The following SSBP3 variants were observed in gnomAD, a reference collection of about 807,000 sequenced individuals.
SSBP3 encodes single-stranded DNA-binding protein 3.
Under a neutral mutation model 69.6 loss-of-function variants are expected in SSBP3, and 5 were observed. That is an observed-to-expected ratio of 0.07 (90% confidence interval 0.04 to 0.15). SSBP3 has a LOEUF of 0.15. Ranked by LOEUF, SSBP3 falls within the 10% of genes least tolerant of loss-of-function variation. SSBP3 has a pLI of 1.00. For synonymous variants in SSBP3, 196 were observed against 193.4 expected, an observed-to-expected ratio of 1.01 and a Z score of -0.11; for missense variants, 312 against 534.0, an observed-to-expected ratio of 0.58 and a Z score of 4.10.
intron 4 of SSBP3, among the ~76,000 whole-genome samples, chr1:54,283,582 G>C (rs1438932072): frequency 6.6e-6 from 1 of 152,192 alleles, no homozygotes; most frequent in African/African-American, 2.4e-5. Context: ...ACAGCTCTGT[G>C]AATCTAGCAA....
At chr1:54,386,682 A>G (rs1334008904) in intron 4 of SSBP3, among the ~76,000 whole-genome samples, 1 of 55,052 alleles carries the variant, frequency 1.8e-5, no homozygotes, top group Non-Finnish European at 3.1e-5. Flanking sequence ...AACTGATCCT[A>G]CTTTTTTTTT....
chr1:54,300,828 AT>A (rs907523734), intron 4 of SSBP3, among the ~76,000 whole-genome samples: 9 of 152,022 alleles, frequency 5.9e-5, no homozygotes, highest in Non-Finnish European at 7.4e-5. Flanking sequence ...AATGGACCCC[AT>A]TTTTTTTATT....
At chr1:54,269,179 A>G (rs1172979871) in intron 5 of SSBP3, among the ~76,000 whole-genome samples, 1 of 152,128 alleles carries the variant, frequency 6.6e-6, no homozygotes, top group Non-Finnish European at 1.5e-5. Flanking sequence ...TCTTGCCTAC[A>G]ACACGTAAGC....
chr1:54,362,718 T>C (rs1255702895), intron 4 of SSBP3, among the ~76,000 whole-genome samples: 1 of 152,196 alleles, frequency 6.6e-6, no homozygotes, highest in Admixed American at 6.5e-5. Flanking sequence ...AGGCAGATGG[T>C]TTTATTCATG....
intron 4 of SSBP3, among the ~76,000 whole-genome samples, chr1:54,348,523 C>A (rs1646728235): frequency 6.6e-6 from 1 of 152,216 alleles, no homozygotes; most frequent in Non-Finnish European, 1.5e-5. Context: ...GCACTTCAAG[C>A]TCCCACAGTG....
intron 4 of SSBP3, among the ~76,000 whole-genome samples, chr1:54,288,589 G>T (rs537633145): frequency 4.9e-5 from 7 of 142,634 alleles, no homozygotes; most frequent in East Asian, 5.3e-4. Context: ...GCAGGGGTGG[G>T]GGGGGGGAGG....
chr1:54,336,758 G>T (rs918000449), intron 4 of SSBP3, among the ~76,000 whole-genome samples: 1 of 152,170 alleles, frequency 6.6e-6, no homozygotes, highest in African/African-American at 2.4e-5. Flanking sequence ...TGCAGCATCA[G>T]CATGTGGCTC....
intron 4 of SSBP3, among the ~76,000 whole-genome samples, chr1:54,396,646 T>TAC (rs1648908097): frequency 6.6e-6 from 1 of 152,070 alleles, no homozygotes; most frequent in African/African-American, 2.4e-5. Context: ...ATCTCCCAGC[T>TAC]CCCTCTGAGT....
At chr1:54,282,865 A>C (rs1645422204) in intron 4 of SSBP3, among the ~76,000 whole-genome samples, 1 of 152,238 alleles carries the variant, frequency 6.6e-6, no homozygotes, top group Non-Finnish European at 1.5e-5. Flanking sequence ...CTGAAAGAGG[A>C]ATGAGCCCCT....
chr1:54,384,932 G>A (rs1647963707), intron 4 of SSBP3, among the ~76,000 whole-genome samples: 1 of 152,120 alleles, frequency 6.6e-6, no homozygotes, highest in African/African-American at 2.4e-5. Flanking sequence ...GCTCACATGG[G>A]CCTCCAGTTG....
chr1:54,253,512 C>G (rs1644868587), intron 7 of SSBP3, among the ~76,000 whole-genome samples: 1 of 152,142 alleles, frequency 6.6e-6, no homozygotes, highest in Non-Finnish European at 1.5e-5. Flanking sequence ...CATTTAGCAC[C>G]TGCTGTTTCC....
intron 4 of SSBP3, among the ~76,000 whole-genome samples, chr1:54,319,492 GAAATTTCCAA>G (rs1489577108): frequency 3.9e-5 from 6 of 152,066 alleles, no homozygotes; most frequent in Non-Finnish European, 8.8e-5. Context: ...CTTTATAAGG[GAAATTTCCAA>G]ACACAGAAGC....
chr1:54,256,306 TTC>T (rs772377485), intron 7 of SSBP3, among the ~76,000 whole-genome samples: 3 of 152,144 alleles, frequency 2.0e-5, no homozygotes, highest in Non-Finnish European at 4.4e-5. Context: ...ACCGAAATAA[TTC>T]TGTTTTAAAA....
At chr1:54,259,560 A>G (rs1056905663) in intron 5 of SSBP3, among the ~76,000 whole-genome samples, 1 of 152,230 alleles carries the variant, frequency 6.6e-6, no homozygotes, top group Admixed American at 6.5e-5. Flanking sequence ...GTTGGTTTTT[A>G]GAAAAATTCA....
intron 4 of SSBP3, chr1:54,326,503 C>G (rs575620241): frequency 6.6e-6 from 1 of 152,376 alleles, no homozygotes; most frequent in South Asian, 2.1e-4. Context: ...CAAGCTTATT[C>G]TATTTAGCCA....
chr1:54,262,309 C>A (rs570972457), intron 5 of SSBP3, among the ~76,000 whole-genome samples: 1 of 152,276 alleles, frequency 6.6e-6, no homozygotes, highest in Non-Finnish European at 1.5e-5. Flanking sequence ...ATAGCTATTA[C>A]GTGGTGGAGC....
chr1:54,398,558 G>C (rs926120394), intron 4 of SSBP3, among the ~76,000 whole-genome samples: 9 of 152,212 alleles, frequency 5.9e-5, no homozygotes, highest in Non-Finnish European at 7.3e-5. Context: ...TCATGCAGCT[G>C]AAAGTGTCCA....
At chr1:54,404,730 A>C in intron 2 of SSBP3, 93 bp from the exon 3 acceptor site, 1 of 1,459,802 alleles carries the variant, frequency 6.9e-7, no homozygotes. Context: ...ACCAACTAAC[A>C]ATAAATGCCA....
At chr1:54,359,692 C>T (rs1477991040) in intron 4 of SSBP3, among the ~76,000 whole-genome samples, 1 of 152,174 alleles carries the variant, frequency 6.6e-6, no homozygotes, top group Non-Finnish European at 1.5e-5. Flanking sequence ...GTAAGAAAAG[C>T]TGTTATGTAA....
Sources: allele counts gnomAD v4.1 joint callset (sites outside exome capture counted in the v4.1 genomes callset), GRCh38; gene constraint gnomAD v4.1.1; transcripts MANE v1.5; gene names NCBI Gene and HGNC (gene_info 2026-07-23, HGNC 2026-07-21).